The following ZNF438 variants were observed in gnomAD, a reference collection of about 807,000 sequenced individuals.
ZNF438 encodes zinc finger protein 438.
In ZNF438, 25 loss-of-function variants were observed where a neutral mutation model predicts 38.0. The ratio of observed to expected loss-of-function variants is 0.66; its 90% CI spans 0.48 to 0.92. The LOEUF (loss-of-function observed/expected upper bound fraction) is 0.92, where lower values mean the gene tolerates loss of function less well. Among genes scored for constraint, ZNF438 ranks in the 40% least tolerant of loss-of-function variants. The pLI is 0.00. For missense variants in ZNF438, 1,007 were observed against 999.6 expected, an observed-to-expected ratio of 1.01 and a Z score of -0.10; for synonymous variants, 372 against 364.1, an observed-to-expected ratio of 1.02 and a Z score of -0.25.
chr10:31,016,467 G>A (rs1186270650), intron 1 of ZNF438, among the ~76,000 whole-genome samples: 1 of 152,122 alleles, frequency 6.6e-6, no homozygotes, highest in Non-Finnish European at 1.5e-5. Flanking sequence ...CAATATAGTG[G>A]CTCAGATAAA....
At chr10:30,974,054 G>C (rs765780262) in intron 1 of ZNF438, among the ~76,000 whole-genome samples, 1 of 152,200 alleles carries the variant, frequency 6.6e-6, no homozygotes, top group African/African-American at 2.4e-5. Flanking sequence ...TGGCTGATTG[G>C]TAGCACACAA....
chr10:30,958,767 T>C (rs1428194186), intron 1 of ZNF438, among the ~76,000 whole-genome samples: 1 of 146,980 alleles, frequency 6.8e-6, no homozygotes, highest in African/African-American at 2.4e-5. Flanking sequence ...GCTAACTCAA[T>C]CAGTTTCCCT....
At chr10:30,882,326 A>G (rs1438186123) in intron 3 of ZNF438, among the ~76,000 whole-genome samples, 1 of 152,218 alleles carries the variant, frequency 6.6e-6, no homozygotes, top group Non-Finnish European at 1.5e-5. Context: ...AAGAAAAGAT[A>G]CACCTGCCTT....
At chr10:30,919,332 C>G (rs567373832) in intron 2 of ZNF438, 1 of 152,238 alleles carries the variant, frequency 6.6e-6, no homozygotes, top group African/African-American at 2.4e-5. Context: ...TTTGCTTCCC[C>G]TTTGAAGTAT....
At chr10:30,954,112 C>T (rs890959671) in intron 1 of ZNF438, among the ~76,000 whole-genome samples, 6 of 152,090 alleles carry the variant, frequency 3.9e-5, no homozygotes, top group South Asian at 4.2e-4. Context: ...CACTGCACTC[C>T]AGCCCAGGCG....
chr10:30,992,160 C>G (rs1019753505), intron 1 of ZNF438, among the ~76,000 whole-genome samples: 1 of 152,190 alleles, frequency 6.6e-6, no homozygotes, highest in African/African-American at 2.4e-5. Flanking sequence ...CCAGCCTATA[C>G]ACTGTAAGAA....
intron 1 of ZNF438, among the ~76,000 whole-genome samples, chr10:30,973,705 C>G (rs941946482): frequency 2.0e-5 from 3 of 152,120 alleles, no homozygotes; most frequent in Non-Finnish European, 4.4e-5. Context: ...AGAAGAAAAG[C>G]GACCAAAGCC....
chr10:31,029,513 C>T (rs948582367), intron 1 of ZNF438, among the ~76,000 whole-genome samples: 1 of 152,184 alleles, frequency 6.6e-6, no homozygotes, highest in East Asian at 1.9e-4. Flanking sequence ...CCCGTCAGCT[C>T]TACCTTCAAA....
At chr10:30,850,325 C>T in exon 5 of ZNF438, 1 of 1,614,146 alleles carries the variant, frequency 6.2e-7, no homozygotes, top group Non-Finnish European at 8.5e-7. Context: ...ATTCTGCAAA[C>T]CTTTCCTACT....
chr10:31,008,596 C>T (rs760101851), intron 1 of ZNF438, among the ~76,000 whole-genome samples: 2 of 152,182 alleles, frequency 1.3e-5, no homozygotes, highest in Non-Finnish European at 2.9e-5. Context: ...TAGCATGTGT[C>T]AGTACTTTAT....
intron 1 of ZNF438, among the ~76,000 whole-genome samples, chr10:31,004,784 G>A (rs539319787): frequency 6.6e-6 from 1 of 152,254 alleles, no homozygotes; most frequent in South Asian, 2.1e-4. Context: ...TAACAGAAAG[G>A]AAGTGATAAG....
chr10:30,965,336 G>A (rs2049985726), intron 1 of ZNF438, among the ~76,000 whole-genome samples: 1 of 152,148 alleles, frequency 6.6e-6, no homozygotes, highest in Admixed American at 6.5e-5. Flanking sequence ...ACTGCTGGTG[G>A]GAATGTAAAT....
intron 1 of ZNF438, among the ~76,000 whole-genome samples, chr10:30,973,037 C>T (rs191017834): frequency 6.6e-6 from 1 of 152,186 alleles, no homozygotes; most frequent in African/African-American, 2.4e-5. Context: ...CTTCCAGATG[C>T]TCAGCTATGG....
chr10:30,846,633 G>T (rs2032182884), intron 5 of ZNF438, among the ~76,000 whole-genome samples: 1 of 152,214 alleles, frequency 6.6e-6, no homozygotes, highest in Non-Finnish European at 1.5e-5. Flanking sequence ...GAGCTTACCA[G>T]GCACAACTGC....
chr10:30,847,272 C>A (rs1228728837), intron 5 of ZNF438, among the ~76,000 whole-genome samples: 1 of 152,148 alleles, frequency 6.6e-6, no homozygotes, highest in Non-Finnish European at 1.5e-5. Context: ...ACCAACTGCA[C>A]GCATTTCCTC....
intron 4 of ZNF438, among the ~76,000 whole-genome samples, chr10:30,870,998 G>C (rs16932032): frequency 0.068 from 10,313 of 152,160 alleles, 1,175 homozygotes; most frequent in African/African-American, 0.23. Context: ...TCACCAGATG[G>C]AGAGGAAAGG....
intron 1 of ZNF438, among the ~76,000 whole-genome samples, chr10:30,960,937 CAACA>C (rs1002247956): frequency 6.8e-6 from 1 of 146,378 alleles, no homozygotes; most frequent in African/African-American, 2.4e-5. Context: ...ACACTCACAT[CAACA>C]AACATTTACT....
chr10:30,906,988 G>GC (rs2042647932), intron 3 of ZNF438, among the ~76,000 whole-genome samples: 3 of 151,994 alleles, frequency 2.0e-5, no homozygotes, highest in African/African-American at 7.2e-5. Flanking sequence ...TTCTTTGTTA[G>GC]TTTAAGACAT....
At chr10:30,974,379 G>A (rs893562090) in intron 1 of ZNF438, among the ~76,000 whole-genome samples, 7 of 152,170 alleles carry the variant, frequency 4.6e-5, no homozygotes, top group South Asian at 4.1e-4. Flanking sequence ...GGACTGAGGT[G>A]GGAGGATCGC....
Sources: gnomAD v4.1 joint callset for allele counts (sites outside exome capture counted in the v4.1 genomes callset) on GRCh38, gnomAD v4.1.1 for gene constraint, MANE v1.5 for transcripts, NCBI Gene and HGNC (gene_info 2026-07-23, HGNC 2026-07-21) for gene names.